FHIT: variants seen among roughly 807,000 people sequenced by gnomAD.
The protein encoded by FHIT is fragile histidine triad diadenosine triphosphatase.
FHIT carries 19 observed loss-of-function variants against 17.9 expected under a neutral mutation model. The ratio of observed to expected loss-of-function variants is 1.06; its 90% CI spans 0.74 to 1.56. The LOEUF (loss-of-function observed/expected upper bound fraction) is 1.56. Among genes scored for constraint, FHIT ranks in the 40% most tolerant of loss-of-function variants. The pLI is 0.00. For synonymous variants in FHIT, 81 were observed against 69.7 expected, an observed-to-expected ratio of 1.16 and a Z score of -0.81; for missense variants, 248 against 189.2, an observed-to-expected ratio of 1.31 and a Z score of -1.82.
At chr3:60,541,927 T>C (rs574693759) in intron 4 of FHIT, among the ~76,000 whole-genome samples, 1 of 152,318 alleles carries the variant, frequency 6.6e-6, no homozygotes, top group East Asian at 1.9e-4. Flanking sequence ...AAGGCTCTTC[T>C]TTTTCTTTTC....
At chr3:60,514,553 A>G (rs983014658) in intron 5 of FHIT, among the ~76,000 whole-genome samples, 1 of 152,228 alleles carries the variant, frequency 6.6e-6, no homozygotes, top group Non-Finnish European at 1.5e-5. Flanking sequence ...GCTTAACACC[A>G]GGTGACGGGT....
At chr3:60,063,971 A>G (rs975570710) in intron 5 of FHIT, among the ~76,000 whole-genome samples, 1 of 152,236 alleles carries the variant, frequency 6.6e-6, no homozygotes, top group African/African-American at 2.4e-5. Flanking sequence ...AAGAATGTAT[A>G]TAATATGCCA....
At chr3:60,033,034 T>A (rs1701066240) in intron 5 of FHIT, among the ~76,000 whole-genome samples, 1 of 152,008 alleles carries the variant, frequency 6.6e-6, no homozygotes, top group Non-Finnish European at 1.5e-5. Context: ...TAAAAAAAAA[T>A]TCAATGGCAT....
At chr3:60,194,279 G>A (rs1456141898) in intron 5 of FHIT, among the ~76,000 whole-genome samples, 1 of 152,080 alleles carries the variant, frequency 6.6e-6, no homozygotes, top group African/African-American at 2.4e-5. Context: ...TAGAAATAAA[G>A]CTAAATACTT....
intron 3 of FHIT, among the ~76,000 whole-genome samples, chr3:60,850,485 A>C (rs558359753): frequency 2.0e-5 from 3 of 152,004 alleles, no homozygotes; most frequent in Non-Finnish European, 4.4e-5. Flanking sequence ...ACTCCATTAC[A>C]TTAATCTTTT....
At chr3:60,167,765 T>C (rs566504922) in intron 5 of FHIT, among the ~76,000 whole-genome samples, 6 of 152,368 alleles carry the variant, frequency 3.9e-5, no homozygotes, top group Admixed American at 3.9e-4. Flanking sequence ...CAGGGCGTAG[T>C]GGCTCATGCC....
chr3:60,391,852 A>G (rs1401822516), intron 5 of FHIT, among the ~76,000 whole-genome samples: 4 of 152,106 alleles, frequency 2.6e-5, no homozygotes, highest in Non-Finnish European at 4.4e-5. Flanking sequence ...CTGATAATGC[A>G]TTATTATATG....
intron 8 of FHIT, among the ~76,000 whole-genome samples, chr3:59,810,944 G>A (rs887500820): frequency 2.0e-4 from 30 of 152,222 alleles, no homozygotes; most frequent in Non-Finnish European, 4.3e-4. Context: ...AAACATGTCT[G>A]TTGAAAGTGG....
At chr3:60,845,452 A>G (rs1350113535) in intron 3 of FHIT, among the ~76,000 whole-genome samples, 3 of 152,186 alleles carry the variant, frequency 2.0e-5, no homozygotes, top group African/African-American at 7.2e-5. Flanking sequence ...ACAGAGAGAA[A>G]GATCACCAGG....
intron 5 of FHIT, among the ~76,000 whole-genome samples, chr3:60,466,177 T>C (rs2032780905): frequency 6.6e-6 from 1 of 152,112 alleles, no homozygotes; most frequent in Non-Finnish European, 1.5e-5. Context: ...GAATTATTTT[T>C]CAGATTGTCC....
At chr3:60,940,064 C>A (rs980685480) in intron 3 of FHIT, among the ~76,000 whole-genome samples, 1 of 152,084 alleles carries the variant, frequency 6.6e-6, no homozygotes, top group Non-Finnish European at 1.5e-5. Flanking sequence ...TGCTAAAAAA[C>A]CATCCAAACA....
intron 5 of FHIT, among the ~76,000 whole-genome samples, chr3:60,499,121 A>C (rs1384953396): frequency 6.6e-6 from 1 of 152,194 alleles, no homozygotes; most frequent in Non-Finnish European, 1.5e-5. Context: ...AAAACTCCCC[A>C]TTCACTGTTT....
intron 3 of FHIT, among the ~76,000 whole-genome samples, chr3:60,890,300 G>T (rs145294974): frequency 9.3e-4 from 139 of 148,832 alleles, no homozygotes; most frequent in African/African-American, 3.1e-3. Context: ...CTGAGGTCAT[G>T]TGCACAGCAC....
chr3:60,745,401 T>G (rs1343308735), intron 4 of FHIT, among the ~76,000 whole-genome samples: 1 of 152,072 alleles, frequency 6.6e-6, no homozygotes. Flanking sequence ...ATGCAAGGAA[T>G]AGAGTGATGA....
intron 4 of FHIT, among the ~76,000 whole-genome samples, chr3:60,732,882 G>A (rs1391783576): frequency 6.6e-6 from 1 of 151,848 alleles, no homozygotes; most frequent in Non-Finnish European, 1.5e-5. Context: ...TAGAGGCGGG[G>A]TTTTGCCATG....
chr3:60,596,082 A>G lies in FHIT; in HGVS notation c.-17-59103T>C, dbSNP rs530984721. Reference sequence around the variant, plus strand: ...CTGATTTCTCCATTATTATTGCTCTATTAATTCTTCTTTCTTACAAATAAA... The same window carrying G: ...CTGATTTCTCCATTATTATTGCTCTGTTAATTCTTCTTTCTTACAAATAAA... On this transcript the variant is annotated intron_variant, in intron 4 of 9. Coordinates refer to ENST00000492590, the MANE Select transcript of FHIT (RefSeq NM_002012.4). The G allele has an allele frequency of 1.7e-5, 5 of 301,530 alleles. No homozygotes were observed. The East Asian group carries it at 8.7e-4, about 53-fold the overall frequency. 18.7% of individuals were successfully genotyped at this position (301,530 alleles called of 1,614,324 possible).
chr3:60,846,072 G>A (rs1222745328), intron 3 of FHIT, among the ~76,000 whole-genome samples: 2 of 152,106 alleles, frequency 1.3e-5, no homozygotes, highest in Non-Finnish European at 2.9e-5. Flanking sequence ...AGATTGCCCA[G>A]AAAAACGTGG....
chr3:60,241,255 A>T (rs1457250771), intron 5 of FHIT, among the ~76,000 whole-genome samples: 1 of 152,162 alleles, frequency 6.6e-6, no homozygotes, highest in Non-Finnish European at 1.5e-5. Flanking sequence ...TCTTTATTAG[A>T]TGCCAAAGAA....
intron 5 of FHIT, among the ~76,000 whole-genome samples, chr3:60,477,533 T>C (rs1559946804): frequency 6.6e-6 from 1 of 152,142 alleles, no homozygotes; most frequent in Non-Finnish European, 1.5e-5. Context: ...ATAATTTCTA[T>C]AGATCTCCAC....
Sources: gnomAD v4.1 joint callset for allele counts (sites outside exome capture counted in the v4.1 genomes callset) on GRCh38, gnomAD v4.1.1 for gene constraint, MANE v1.5 for transcripts, NCBI Gene and HGNC (gene_info 2026-07-23, HGNC 2026-07-21) for gene names.